Variants in PAK5 observed in about 807,000 individuals in gnomAD.
The protein encoded by PAK5 is p21 (RAC1) activated kinase 5, also known as serine/threonine-protein kinase PAK 5.
A neutral mutation model predicts 65.9 loss-of-function variants in PAK5; 16 were observed. That is an observed-to-expected ratio of 0.24 (90% CI 0.16 to 0.37). The LOEUF is 0.37. PAK5 is among the 10% of genes least tolerant of loss of function. The probability of loss-of-function intolerance (pLI) is 1.00; values close to 1 mark genes in which losing one functional copy is unlikely to be tolerated. For synonymous variants in PAK5, 371 were observed against 354.9 expected (o/e 1.05, Z -0.51); for missense variants, 785 against 903.9 (o/e 0.87, Z 1.69).
intron 3 of PAK5, among the ~76,000 whole-genome samples, chr20:9,600,948 A>G (rs2046349094): frequency 6.6e-6 from 1 of 152,138 alleles, no homozygotes; most frequent in Admixed American, 6.5e-5. Context: ...CCATGGGGTA[A>G]GGACCCAGAA....
chr20:9,777,719 A>C (rs892622946), intron 1 of PAK5, among the ~76,000 whole-genome samples: 9 of 152,212 alleles, frequency 5.9e-5, no homozygotes, highest in African/African-American at 2.2e-4. Context: ...TTGAAATATT[A>C]GCTAGAAAGG....
intron 1 of PAK5, among the ~76,000 whole-genome samples, chr20:9,800,816 C>A (rs2049160515): frequency 6.6e-6 from 1 of 151,920 alleles, no homozygotes; most frequent in Non-Finnish European, 1.5e-5. Context: ...CCTCTCTCAT[C>A]TACAAATCTC....
intron 1 of PAK5, among the ~76,000 whole-genome samples, chr20:9,831,812 A>T (rs1424002432): frequency 6.6e-6 from 1 of 152,136 alleles, no homozygotes; most frequent in Non-Finnish European, 1.5e-5. Context: ...CCGGCCTACT[A>T]CATTTTTTAA....
chr20:9,568,781 A>G (rs944176462), intron 4 of PAK5, among the ~76,000 whole-genome samples: 2 of 152,174 alleles, frequency 1.3e-5, no homozygotes, highest in Non-Finnish European at 2.9e-5. Context: ...GCAGTGAGCT[A>G]TGATTGCACC....
intron 1 of PAK5, among the ~76,000 whole-genome samples, chr20:9,736,549 G>T (rs1212075708): frequency 1.3e-5 from 2 of 152,182 alleles, no homozygotes; most frequent in Admixed American, 6.5e-5. Flanking sequence ...TCAGAGGCAT[G>T]ATGTTACAGG....
At chr20:9,813,353 C>T (rs956876118) in intron 1 of PAK5, among the ~76,000 whole-genome samples, 1 of 151,162 alleles carries the variant, frequency 6.6e-6, no homozygotes, top group Non-Finnish European at 1.5e-5. Context: ...TATTGTAAGA[C>T]AGGTATACCT....
chr20:9,690,519 G>A (rs1346233686), intron 2 of PAK5, among the ~76,000 whole-genome samples: 1 of 152,010 alleles, frequency 6.6e-6, no homozygotes, highest in African/African-American at 2.4e-5. Flanking sequence ...TGCAAGGTGA[G>A]TGAATGAGAA....
intron 3 of PAK5, among the ~76,000 whole-genome samples, chr20:9,585,924 A>G (rs1011423538): frequency 5.9e-5 from 9 of 152,202 alleles, no homozygotes; most frequent in Non-Finnish European, 1.0e-4. Context: ...AAGTTTCTGG[A>G]AGAAAAGAAC....
intron 1 of PAK5, among the ~76,000 whole-genome samples, chr20:9,722,926 A>G (rs1192067016): frequency 6.6e-6 from 1 of 151,928 alleles, no homozygotes; most frequent in Non-Finnish European, 1.5e-5. Context: ...TAGTGGAGAC[A>G]GGGTTTCCCA....
intron 3 of PAK5, among the ~76,000 whole-genome samples, chr20:9,605,108 G>A (rs2046429188): frequency 6.6e-6 from 1 of 152,226 alleles, no homozygotes; most frequent in Admixed American, 6.5e-5. Flanking sequence ...GGTTAATGCT[G>A]TGGGCAACTG....
intron 1 of PAK5, among the ~76,000 whole-genome samples, chr20:9,794,659 T>C (rs2049085905): frequency 6.6e-6 from 1 of 152,006 alleles, no homozygotes. Context: ...TCACTGGAAA[T>C]GAGAACATCA....
intron 1 of PAK5, among the ~76,000 whole-genome samples, chr20:9,811,738 T>C (rs536718019): frequency 2.0e-5 from 3 of 152,288 alleles, no homozygotes; most frequent in African/African-American, 7.2e-5. Flanking sequence ...ACTTCCAAAA[T>C]TTAAGAATAA....
At chr20:9,748,848 CT>C (rs1246461909) in intron 1 of PAK5, among the ~76,000 whole-genome samples, 12 of 152,066 alleles carry the variant, frequency 7.9e-5, no homozygotes, top group Non-Finnish European at 1.2e-4. Flanking sequence ...GAATGAGAAA[CT>C]TATTTAATTA....
intron 1 of PAK5, among the ~76,000 whole-genome samples, chr20:9,828,749 T>C (rs972024013): frequency 1.3e-5 from 2 of 152,190 alleles, no homozygotes; most frequent in Non-Finnish European, 2.9e-5. Context: ...ATGCCAAACT[T>C]GAATTTTAAT....
rs530941521 is a variant in PAK5 at position 9,672,732 on chromosome 20, G to T, written c.-11-28393C>A. Among the ~76,000 whole-genome samples the T allele has an allele frequency of 2.8e-4, 42 of 152,142 alleles. 1 individual carries two copies. The Middle Eastern group carries it at 0.02, about 74-fold the overall frequency. On this transcript the variant is annotated intron_variant, in intron 2 of 9. Transcript: ENST00000353224. The stretch of plus-strand genomic sequence containing the variant: ...TAATACACTCAGTAAATCCTAAAAA[G>T]CAAAAAGTTGAAAATAAGTATCTGT...
chr20:9,772,517 G>A (rs183761418), intron 1 of PAK5, among the ~76,000 whole-genome samples: 3 of 152,210 alleles, frequency 2.0e-5, no homozygotes, highest in East Asian at 1.9e-4. Context: ...GGCTCTAAAC[G>A]CCCCAGTCTC....
At chr20:9,561,768 C>A (rs547545822) in intron 6 of PAK5, among the ~76,000 whole-genome samples, 16 of 152,178 alleles carry the variant, frequency 1.1e-4, no homozygotes, top group Non-Finnish European at 2.2e-4. Flanking sequence ...TCATGACAAT[C>A]CTTCCTTAAC....
chr20:9,836,477 C>A (rs943715200), intron 1 of PAK5, among the ~76,000 whole-genome samples: 1 of 152,132 alleles, frequency 6.6e-6, no homozygotes, highest in East Asian at 1.9e-4. Context: ...AGTTATGCTG[C>A]CACAAACCAG....
rs547406981 is a variant in PAK5, at chr20:9,645,829, G to A, written c.-11-1490C>T. On this transcript the variant is annotated intron_variant, in intron 2 of 9. Transcript: ENST00000353224. ...TCTCCATCTCCTGACCTCGTGATCC[G>A]CCCGCCTCGGCCTCCCAAAGTGCTG... Among the ~76,000 whole-genome samples, 156 of 152,124 alleles carry A rather than the reference G, an allele frequency of 1.0e-3. 1 individual carries two copies. Among genetic ancestry groups the A allele is most frequent in the African/African-American group, 3.5e-3 (147 of 41,502 alleles).
Sources: gnomAD v4.1 joint callset for allele counts (sites outside exome capture counted in the v4.1 genomes callset) on GRCh38, gnomAD v4.1.1 for gene constraint, MANE v1.5 for transcripts, NCBI Gene and HGNC (gene_info 2026-07-23, HGNC 2026-07-21) for gene names.